FSTL5: variants seen among roughly 807,000 people sequenced by gnomAD.
FSTL5 encodes follistatin like 5, also known as follistatin-related protein 5.
A neutral mutation model predicts 89.1 loss-of-function variants in FSTL5; 62 were observed. The observed-to-expected ratio is 0.70, with a 90% CI of 0.57 to 0.86. FSTL5 has a LOEUF of 0.86. Among genes scored for constraint, FSTL5 ranks in the 40% least tolerant of loss-of-function variants. The pLI is 0.00. For synonymous variants in FSTL5, 383 were observed against 346.2 expected, an observed-to-expected ratio of 1.11 and a Z score of -1.18; for missense variants, 1,057 against 1,001.6, an observed-to-expected ratio of 1.06 and a Z score of -0.75.
chr4:161,782,384 C>T (rs1008665747), intron 4 of FSTL5, among the ~76,000 whole-genome samples: 1 of 152,150 alleles, frequency 6.6e-6, no homozygotes, highest in Non-Finnish European at 1.5e-5. Flanking sequence ...TTGTATTGCT[C>T]CATATCCTTG....
intron 6 of FSTL5, among the ~76,000 whole-genome samples, chr4:161,715,081 C>T (rs900710296): frequency 9.2e-5 from 14 of 151,948 alleles, no homozygotes; most frequent in African/African-American, 3.1e-4. Context: ...CATTATGAAT[C>T]GAGCCAAAAT....
chr4:161,575,277 T>C (rs1733169113), intron 8 of FSTL5, among the ~76,000 whole-genome samples: 1 of 152,224 alleles, frequency 6.6e-6, no homozygotes, highest in Non-Finnish European at 1.5e-5. Context: ...GCAAAAAATG[T>C]TCTCCCATTC....
intron 4 of FSTL5, among the ~76,000 whole-genome samples, chr4:161,794,844 A>C (rs1420091549): frequency 1.3e-5 from 2 of 152,138 alleles, no homozygotes; most frequent in Non-Finnish European, 2.9e-5. Flanking sequence ...CAAGATAAAA[A>C]ACCATTACAC....
At chr4:161,784,337 TTA>T (rs1355634666) in intron 4 of FSTL5, among the ~76,000 whole-genome samples, 2 of 152,140 alleles carry the variant, frequency 1.3e-5, no homozygotes, top group Admixed American at 6.5e-5. Flanking sequence ...TTCTGTGAAT[TTA>T]TATGACTTTT....
intron 4 of FSTL5, among the ~76,000 whole-genome samples, chr4:161,887,427 CATCTAT>C (rs1732847029): frequency 4.1e-5 from 1 of 24,666 alleles, no homozygotes; most frequent in African/African-American, 1.1e-4. Flanking sequence ...ATCTATCTAT[CATCTAT>C]CTACCTATCA....
chr4:161,567,357 A>T (rs1475598356), intron 8 of FSTL5, among the ~76,000 whole-genome samples: 1 of 152,170 alleles, frequency 6.6e-6, no homozygotes, highest in African/African-American at 2.4e-5. Flanking sequence ...AATCTAATTA[A>T]GCTATCTTGA....
chr4:161,803,459 G>A (rs962457319), intron 4 of FSTL5, among the ~76,000 whole-genome samples: 27 of 151,720 alleles, frequency 1.8e-4, no homozygotes, highest in African/African-American at 4.8e-4. Flanking sequence ...ACTACATCAC[G>A]TAAGTTTGCA....
chr4:161,753,678 A>C (rs1336908445), intron 6 of FSTL5, among the ~76,000 whole-genome samples: 3 of 152,196 alleles, frequency 2.0e-5, no homozygotes, highest in Non-Finnish European at 4.4e-5. Context: ...ATTTTAGTGT[A>C]GCAGTTCTGC....
At chr4:161,680,659 T>A (rs565128370) in intron 6 of FSTL5, among the ~76,000 whole-genome samples, 11 of 151,886 alleles carry the variant, frequency 7.2e-5, no homozygotes, top group African/African-American at 7.2e-5. Flanking sequence ...TGTTTTTTTT[T>A]ATTTCTATTA....
intron 1 of FSTL5, among the ~76,000 whole-genome samples, 163 bp downstream of exon 1, chr4:162,163,437 GTAATAATAATAATAA>G (rs34283366): frequency 4.3e-5 from 6 of 140,696 alleles, no homozygotes; most frequent in South Asian, 2.2e-4. Flanking sequence ...AGATTGTCTT[GTAATAATAATAATAA>G]TAATAATAAT....
intron 15 of FSTL5, among the ~76,000 whole-genome samples, chr4:161,448,236 T>C (rs1474654756): frequency 6.6e-6 from 1 of 152,092 alleles, no homozygotes. Context: ...GATTTTCATC[T>C]ACAAAACATT....
intron 3 of FSTL5, among the ~76,000 whole-genome samples, chr4:161,995,322 A>G (rs1307667339): frequency 6.6e-6 from 1 of 152,094 alleles, no homozygotes; most frequent in Non-Finnish European, 1.5e-5. Flanking sequence ...ACTTTTTTAC[A>G]AATAAGAAAA....
intron 4 of FSTL5, among the ~76,000 whole-genome samples, chr4:161,834,498 G>A (rs899392548): frequency 6.6e-6 from 1 of 152,180 alleles, no homozygotes; most frequent in African/African-American, 2.4e-5. Context: ...ATCAGGAAAA[G>A]AGGAAGTCAA....
intron 4 of FSTL5, among the ~76,000 whole-genome samples, chr4:161,784,907 C>CAAAAAAA (rs1202708192): frequency 1.6e-5 from 2 of 125,402 alleles, no homozygotes; most frequent in African/African-American, 3.0e-5. Context: ...AAAACAAAAA[C>CAAAAAAA]AAACAAACAA....
At chr4:161,465,551 A>T (rs1444726191) in intron 13 of FSTL5, among the ~76,000 whole-genome samples, 1 of 152,140 alleles carries the variant, frequency 6.6e-6, no homozygotes, top group Non-Finnish European at 1.5e-5. Flanking sequence ...TTTCCCAAGC[A>T]GCTACAGACA....
At chr4:161,763,392 T>G (rs1048920396) in intron 5 of FSTL5, among the ~76,000 whole-genome samples, 1 of 152,174 alleles carries the variant, frequency 6.6e-6, no homozygotes, top group South Asian at 2.1e-4. Context: ...CTCCCAAGTA[T>G]AGAGAGGTAT....
intron 3 of FSTL5, among the ~76,000 whole-genome samples, chr4:162,021,563 C>CA (rs1560974561): frequency 6.6e-6 from 1 of 152,038 alleles, no homozygotes; most frequent in African/African-American, 2.4e-5. Flanking sequence ...CACAAATACA[C>CA]ACACAAATAA....
At chr4:161,444,452 G>C (rs936829372) in intron 15 of FSTL5, among the ~76,000 whole-genome samples, 2 of 151,642 alleles carry the variant, frequency 1.3e-5, no homozygotes, top group Non-Finnish European at 2.9e-5. Flanking sequence ...TAGTTTCCAG[G>C]CTAGGTCTGT....
At chr4:161,857,540 C>T (rs1400818078) in intron 4 of FSTL5, among the ~76,000 whole-genome samples, 1 of 152,116 alleles carries the variant, frequency 6.6e-6, no homozygotes, top group Non-Finnish European at 1.5e-5. Context: ...GCTACTCATT[C>T]TTCATTACTT....
Sources: allele counts gnomAD v4.1 joint callset (sites outside exome capture counted in the v4.1 genomes callset), GRCh38; gene constraint gnomAD v4.1.1; transcripts MANE v1.5; gene names NCBI Gene and HGNC (gene_info 2026-07-23, HGNC 2026-07-21).